Variants in UBASH3B observed in about 807,000 individuals in gnomAD.
UBASH3B encodes the protein ubiquitin-associated and SH3 domain-containing protein B.
Under a neutral mutation model 83.4 loss-of-function variants are expected in UBASH3B, and 37 were observed. That is an observed-to-expected ratio of 0.44 (90% CI 0.34 to 0.58). The LOEUF (loss-of-function observed/expected upper bound fraction) is 0.58, where lower values mean the gene tolerates loss of function less well. UBASH3B is among the 20% of genes least tolerant of loss of function. UBASH3B has a pLI of 0.01. For missense variants in UBASH3B, 657 were observed against 827.2 expected, an observed-to-expected ratio of 0.79 and a Z score of 2.52; for synonymous variants, 304 against 318.3, an observed-to-expected ratio of 0.96 and a Z score of 0.48.
At position 122,813,240 on chromosome 11, in the gene UBASH3B, T is replaced by C. The variant is rs772065737; in HGVS notation, c.*3354T>C. The C allele has an allele frequency of 1.3e-5, 2 of 152,256 alleles. No individual in the cohort carries two copies. Among genetic ancestry groups the C allele is most frequent in the Non-Finnish European group, 2.9e-5 (2 of 68,052 alleles). The allele number at this position is 152,256 out of a possible 1,614,324, so 9.4% of individuals were successfully genotyped here. On this transcript the variant is annotated 3_prime_UTR_variant, in exon 14 of 14. Transcript: ENST00000284273. ...TTAACATTACCATAAGTGTGTCTTTTCCACTCAACTAGCTGTATTCGTATT... is the reference window on the plus strand; with the variant it reads ...TTAACATTACCATAAGTGTGTCTTTCCCACTCAACTAGCTGTATTCGTATT...
At chr11:122,781,813 T>G (rs1860861473) in intron 4 of UBASH3B, among the ~76,000 whole-genome samples, 1 of 152,224 alleles carries the variant, frequency 6.6e-6, no homozygotes, top group South Asian at 2.1e-4. Flanking sequence ...ATTTAACAAG[T>G]ACTGAAAACC....
rs550616896 is a variant in UBASH3B at position 122,720,592 on chromosome 11, T to G, written c.162-55627T>G. ...TCCCTTGCTACCTCTCTGAATCTGT[T>G]TCCTAGCATGTACCTCCTTGCCCAT... On this transcript the variant is annotated intron_variant, in intron 1 of 13. Transcript: ENST00000284273. Among the ~76,000 whole-genome samples the G allele has an allele frequency of 2.0e-5, 3 of 152,286 alleles. No homozygotes were observed. The East Asian group carries it at 5.8e-4, about 29-fold the overall frequency.
intron 1 of UBASH3B, among the ~76,000 whole-genome samples, chr11:122,732,322 G>T (rs1860857463): frequency 6.6e-6 from 1 of 152,178 alleles, no homozygotes; most frequent in Admixed American, 6.5e-5. Flanking sequence ...ACACACAATG[G>T]CAAGAAGTCT....
chr11:122,693,718 C>G (rs1863925602), intron 1 of UBASH3B, among the ~76,000 whole-genome samples: 1 of 151,672 alleles, frequency 6.6e-6, no homozygotes, highest in Non-Finnish European at 1.5e-5. Context: ...ACTAAAAATA[C>G]AAAAATTAGC....
intron 1 of UBASH3B, among the ~76,000 whole-genome samples, chr11:122,751,003 C>T (rs1861190183): frequency 6.6e-6 from 1 of 152,130 alleles, no homozygotes; most frequent in South Asian, 2.1e-4. Flanking sequence ...TAGAGTTGAG[C>T]GAACATCAGC....
chr11:122,687,520 TG>T (rs928752820), intron 1 of UBASH3B, among the ~76,000 whole-genome samples: 1 of 152,014 alleles, frequency 6.6e-6, no homozygotes, highest in East Asian at 1.9e-4. Context: ...TGTGTTGTAT[TG>T]GGGGGGCAGA....
chr11:122,783,291 TGCAGGGA>T, intron 5 of UBASH3B, 69 bp downstream of exon 5: 1 of 1,546,254 alleles, frequency 6.5e-7, no homozygotes, highest in Non-Finnish European at 8.8e-7. Context: ...AGCTCGCTGC[TGCAGGGA>T]GATGGGTACC....
At position 122,812,072 on chromosome 11, in the gene UBASH3B, T is replaced by C. The variant is rs907308205; in HGVS notation, c.*2186T>C. On this transcript the variant is annotated 3_prime_UTR_variant, in exon 14 of 14. Transcript: ENST00000284273. ...CATCTTCTAGGTTATCTTAGTTGTA[T>C]GACGAACTGATAAATCTGTCTGACT... is the stretch of plus-strand genomic sequence containing the variant. 2.6e-5 allele frequency: 4 copies of C among 152,258 alleles called. No homozygotes were observed. Among genetic ancestry groups the C allele is most frequent in the African/African-American group, 4.8e-5 (2 of 41,464 alleles). 9.4% of individuals were successfully genotyped at this position (152,258 alleles called of 1,614,324 possible).
chr11:122,703,015 G>A (rs1218018277), intron 1 of UBASH3B, among the ~76,000 whole-genome samples: 1 of 152,178 alleles, frequency 6.6e-6, no homozygotes, highest in Non-Finnish European at 1.5e-5. Context: ...GATCAGTGCT[G>A]TATCTGATTC....
chr11:122,670,454 A>G (rs1863579772), intron 1 of UBASH3B, among the ~76,000 whole-genome samples: 1 of 151,842 alleles, frequency 6.6e-6, no homozygotes, highest in Admixed American at 6.6e-5. Context: ...TCAAATTCCT[A>G]CTCCACTTAG....
intron 1 of UBASH3B, among the ~76,000 whole-genome samples, chr11:122,744,903 G>GCA (rs1861090653): frequency 9.4e-6 from 1 of 106,890 alleles, no homozygotes; most frequent in African/African-American, 3.1e-5. Flanking sequence ...GTGTGTGCGC[G>GCA]CGCGCGCGCA....
At chr11:122,693,352 C>G (rs1591772156) in intron 1 of UBASH3B, among the ~76,000 whole-genome samples, 1 of 152,126 alleles carries the variant, frequency 6.6e-6, no homozygotes, top group Non-Finnish European at 1.5e-5. Context: ...AGAGGCCTGA[C>G]AATAAGTGTG....
chr11:122,787,096 A>G (rs948214320), intron 5 of UBASH3B, among the ~76,000 whole-genome samples: 3 of 152,138 alleles, frequency 2.0e-5, no homozygotes, highest in Non-Finnish European at 2.9e-5. Flanking sequence ...ATTAGCCAAG[A>G]CCATGCTGTG....
chr11:122,698,565 C>T (rs1386173774), intron 1 of UBASH3B, among the ~76,000 whole-genome samples: 8 of 152,206 alleles, frequency 5.3e-5, no homozygotes, highest in Non-Finnish European at 1.2e-4. Flanking sequence ...GAGCCTGGGG[C>T]ATATGTTTGG....
intron 1 of UBASH3B, among the ~76,000 whole-genome samples, chr11:122,705,581 A>G (rs1454457596): frequency 6.6e-6 from 1 of 151,884 alleles, no homozygotes; most frequent in African/African-American, 2.4e-5. Flanking sequence ...ACAGTGTCTC[A>G]CAGAAATTGT....
intron 4 of UBASH3B, among the ~76,000 whole-genome samples, chr11:122,781,383 C>A (rs1447305522): frequency 6.6e-6 from 1 of 152,158 alleles, no homozygotes; most frequent in Non-Finnish European, 1.5e-5. Context: ...CCACAAGGAC[C>A]AAAACTAATG....
chr11:122,656,539 C>G (rs1863366521), intron 1 of UBASH3B, among the ~76,000 whole-genome samples: 1 of 152,194 alleles, frequency 6.6e-6, no homozygotes, highest in Non-Finnish European at 1.5e-5. Flanking sequence ...CGCGCGCTCC[C>G]CTAGGTCTCC....
chr11:122,804,739 C>A (rs1453636892), intron 11 of UBASH3B, among the ~76,000 whole-genome samples: 1 of 152,140 alleles, frequency 6.6e-6, no homozygotes, highest in Non-Finnish European at 1.5e-5. Flanking sequence ...TACTTCTGAT[C>A]AAGAGGCCAT....
At chr11:122,769,663 A>G (rs1216517964) in intron 1 of UBASH3B, among the ~76,000 whole-genome samples, 1 of 152,220 alleles carries the variant, frequency 6.6e-6, no homozygotes, top group Non-Finnish European at 1.5e-5. Flanking sequence ...TGGTATTTCT[A>G]CCTAAAACTA....
Sources: gnomAD v4.1 joint callset for allele counts (sites outside exome capture counted in the v4.1 genomes callset) on GRCh38, gnomAD v4.1.1 for gene constraint, MANE v1.5 for transcripts, NCBI Gene and HGNC (gene_info 2026-07-23, HGNC 2026-07-21) for gene names.